The following IPO7 variants were observed in gnomAD, a reference collection of about 807,000 sequenced individuals.
IPO7 encodes the protein importin 7.
In IPO7, 13 loss-of-function variants were observed where a neutral mutation model predicts 136.4. The observed-to-expected ratio is 0.10, with a 90% CI of 0.06 to 0.15. The LOEUF is 0.15. Ranked by LOEUF, IPO7 falls within the 10% of genes least tolerant of loss-of-function variation. The pLI is 1.00. For synonymous variants in IPO7, 403 were observed against 404.4 expected (o/e 1.00, Z 0.04); for missense variants, 857 against 1,240.6 (o/e 0.69, Z 4.65).
chr11:9,403,769 G>T (rs1027698052), intron 2 of IPO7, among the ~76,000 whole-genome samples: 1 of 152,128 alleles, frequency 6.6e-6, no homozygotes, highest in Non-Finnish European at 1.5e-5. Flanking sequence ...AACATATTGA[G>T]CCACTTCCCT....
At chr11:9,421,683 G>A (rs970778018) in intron 8 of IPO7, among the ~76,000 whole-genome samples, 2 of 133,882 alleles carry the variant, frequency 1.5e-5, no homozygotes, top group African/African-American at 5.7e-5. Flanking sequence ...AGTTGCTCAC[G>A]CCTGTAATCC....
chr11:9,404,861 C>T (rs937195610), intron 2 of IPO7, among the ~76,000 whole-genome samples: 2 of 152,066 alleles, frequency 1.3e-5, no homozygotes, highest in African/African-American at 4.8e-5. Flanking sequence ...CCACCGCGCC[C>T]GGCCTTCAGA....
rs145330504 is a variant in IPO7 at position 9,408,547 on chromosome 11, G to A, written c.228G>A (p.Gly76=). Reference sequence around the variant, plus strand: ...GGCCTGATCGAGAAACAGCACCAGGGGATATATCCCCTTATACTATTCCAG... The same window carrying A: ...GGCCTGATCGAGAAACAGCACCAGGAGATATATCCCCTTATACTATTCCAG... ...QYWPDRETAP[G]DISPYTIPEE... The change falls in exon 3 of 25, where the codon GGG becomes GGA. Residue 76 remains glycine, a synonymous_variant. Transcript: ENST00000379719. 95 of 1,607,938 alleles carry A rather than the reference G, an allele frequency of 5.9e-5. No individual in the cohort carries two copies. The African/African-American group carries it at 1.2e-3, about 20-fold the overall frequency.
chr11:9,391,050 A>G (rs1854625983), intron 1 of IPO7, among the ~76,000 whole-genome samples: 1 of 152,154 alleles, frequency 6.6e-6, no homozygotes, highest in Non-Finnish European at 1.5e-5. Flanking sequence ...GATTACAGGC[A>G]TGAATCACAG....
At chr11:9,443,879 G>A (rs1166259714) in intron 24 of IPO7, among the ~76,000 whole-genome samples, 1 of 152,070 alleles carries the variant, frequency 6.6e-6, no homozygotes, top group Non-Finnish European at 1.5e-5. Flanking sequence ...TAGCCTGGGT[G>A]CCAGAGTGAG....
intron 2 of IPO7, among the ~76,000 whole-genome samples, chr11:9,405,595 G>T (rs1854871120): frequency 6.6e-6 from 1 of 152,130 alleles, no homozygotes; most frequent in Admixed American, 6.5e-5. Flanking sequence ...GATAATTGTT[G>T]TATTTTTTGT....
chr11:9,401,112 T>A (rs1590429982), intron 1 of IPO7, among the ~76,000 whole-genome samples: 1 of 150,158 alleles, frequency 6.7e-6, no homozygotes, highest in African/African-American at 2.4e-5. Context: ...ACCTGGGAGG[T>A]GGAGGTTGCC....
intron 4 of IPO7, among the ~76,000 whole-genome samples, chr11:9,410,659 T>G (rs1854955381): frequency 6.6e-6 from 1 of 152,156 alleles, no homozygotes; most frequent in Non-Finnish European, 1.5e-5. Flanking sequence ...TTAGGCCAAG[T>G]GATTATTTTA....
At chr11:9,391,858 C>G (rs1854637708) in intron 1 of IPO7, among the ~76,000 whole-genome samples, 1 of 152,142 alleles carries the variant, frequency 6.6e-6, no homozygotes, top group African/African-American at 2.4e-5. Context: ...CTTGACTCTC[C>G]TGGGATTAAG....
rs751130802 is a variant in IPO7, at chr11:9,420,439, G to T, written c.755G>T (p.Arg252Leu). 2 of 1,611,164 alleles carry T rather than the reference G, an allele frequency of 1.2e-6. No individual in the cohort carries two copies. Among genetic ancestry groups the T allele is most frequent in the Admixed American group, 3.3e-5 (2 of 59,976 alleles). The change falls in exon 7 of 25, where the codon CGA becomes CTA. Residue 252 changes from arginine (R) to leucine (L), a missense_variant. This residue lies in a region of IPO7 where 287 missense variants were observed against 307.5 expected (regional missense o/e 0.93). Transcript: ENST00000379719. ...ACACTTCAAGTTGAAGAAGATGATC[G>T]ACCTGAGTTACCATGGTGGAAATGC... The part of the protein sequence containing the change: ...NETLQVEEDD[R>L]PELPWWKCKK...
intron 5 of IPO7, among the ~76,000 whole-genome samples, chr11:9,415,837 C>CA (rs1199654733): frequency 2.0e-4 from 29 of 143,908 alleles, no homozygotes; most frequent in African/African-American, 6.4e-4. Context: ...GACTCCGTCC[C>CA]AAAAAAAAAG....
rs377057603 is a variant in IPO7, at chr11:9,408,704, G to GTTTTTTT, written c.320+85_320+91dup. The GTTTTTTT allele has an allele frequency of 1.1e-4, 19 of 173,320 alleles. 1 individual carries two copies. Among genetic ancestry groups the GTTTTTTT allele is most frequent in the Admixed American group, 3.5e-4 (3 of 8,520 alleles). The allele number at this position is 173,320 out of a possible 1,614,324, so 10.7% of individuals were successfully genotyped here. On this transcript the variant is annotated intron_variant, in intron 3 of 24. Coordinates refer to ENST00000379719, the MANE Select transcript of IPO7 (RefSeq NM_006391.3). ...AACTTTCAGGGTTTTTTGTTTTTTG[G>GTTTTTTT]TTTTTTTTTTTTTTTTTTTTTTTTT... is the stretch of plus-strand genomic sequence containing the variant.
chr11:9,410,059 G>T lies in IPO7; in HGVS notation c.452G>T (p.Cys151Phe). 1 of 1,595,058 alleles carries T rather than the reference G, an allele frequency of 6.3e-7. No homozygotes were observed. Among genetic ancestry groups the T allele is most frequent in the Non-Finnish European group, 8.5e-7 (1 of 1,173,162 alleles). The change falls in exon 4 of 25, where the codon TGC (cysteine) becomes TTC (phenylalanine). Residue 151 changes from cysteine to phenylalanine, a missense_variant. This residue lies in a region of IPO7 where 287 missense variants were observed against 307.5 expected (regional missense o/e 0.93). Coordinates refer to ENST00000379719, the MANE Select transcript of IPO7 (RefSeq NM_006391.3). ...NSACWLGILL[C>F]LYQLVKNYEY... ...GCTTGTTGGCTAGGAATTCTTCTTT[G>T]CCTTTATCAGCTTGTGAAAAATTAT... is the stretch of plus-strand genomic sequence containing the variant.
At chr11:9,440,710 G>A in intron 23 of IPO7, 49 bp downstream of exon 23, 1 of 1,382,136 alleles carries the variant, frequency 7.2e-7, no homozygotes, top group African/African-American at 1.4e-5. Context: ...CAAATCTGTT[G>A]TAGTTTCTGC....
rs1392513005 is a variant in IPO7, at chr11:9,414,385, T to C, written c.610T>C (p.Phe204Leu). The change falls in exon 5 of 25, where the codon TTC (phenylalanine) becomes CTC (leucine). Residue 204 changes from phenylalanine to leucine, a missense_variant. By Grantham distance (22) the Phe-to-Leu change is conservative. Coordinates refer to ENST00000379719, the MANE Select transcript of IPO7 (RefSeq NM_006391.3). ...DQSVLIQKQI[F>L]KIFYALVQYT... ...GTCTGTCCTCATCCAGAAACAGATA[T>C]TCAAGATCTTCTATGCTCTTGTTCA... 5.6e-6 allele frequency: 9 copies of C among 1,609,482 alleles called. No individual in the cohort carries two copies. In the Admixed American group the frequency reaches 1.5e-4, roughly 27 times the overall value.
At position 9,425,147 on chromosome 11, in the gene IPO7, T is replaced by C; in HGVS notation, c.1220T>C (p.Val407Ala). Residue 407 changes from valine to alanine, a missense_variant and splice_region_variant, in exon 12 of 25, where the codon GTA (valine) becomes GCA (alanine). Coordinates refer to ENST00000379719, the MANE Select transcript of IPO7 (RefSeq NM_006391.3). Reference protein sequence around the residue: ...LFTACSKRKEVLQKTMGFCYQ... With the variant: ...LFTACSKRKEALQKTMGFCYQ... ...CAATACTTTTCTCTTTTAATCTAGG[T>C]ACTGCAAAAGACTATGGGATTTTGT... 6.3e-7 allele frequency: 1 copy of C among 1,584,708 alleles called. No homozygotes were observed. Among genetic ancestry groups the C allele is most frequent in the Admixed American group, 1.7e-5 (1 of 59,970 alleles).
chr11:9,415,199 G>A (rs1855023903), intron 5 of IPO7, among the ~76,000 whole-genome samples: 1 of 151,752 alleles, frequency 6.6e-6, no homozygotes, highest in African/African-American at 2.4e-5. Context: ...GTACATACCT[G>A]TAAACTCTGC....
At chr11:9,385,106 C>T (rs1486010555) in intron 1 of IPO7, among the ~76,000 whole-genome samples, 3 of 152,158 alleles carry the variant, frequency 2.0e-5, no homozygotes, top group African/African-American at 7.2e-5. Flanking sequence ...CCGGCTGAGG[C>T]GGGGCGGGCG....
At chr11:9,422,172 G>A (rs554376230) in intron 8 of IPO7, among the ~76,000 whole-genome samples, 15 of 152,068 alleles carry the variant, frequency 9.9e-5, no homozygotes, top group African/African-American at 1.4e-4. Context: ...CCAGCTACTC[G>A]GGAGGCTGAG....
Sources: gnomAD v4.1 joint callset for allele counts (sites outside exome capture counted in the v4.1 genomes callset) on GRCh38, gnomAD v4.1.1 for gene constraint, gnomAD v4.1.1 regional missense constraint, MANE v1.5 for transcripts, NCBI Gene and HGNC (gene_info 2026-07-23, HGNC 2026-07-21) for gene names.